The following FOXP1 variants were observed in gnomAD, a reference collection of about 807,000 sequenced individuals.
FOXP1 encodes the protein forkhead box P1.
FOXP1 carries 15 observed loss-of-function variants against 98.2 expected under a neutral mutation model. That is an observed-to-expected ratio of 0.15 (90% CI 0.10 to 0.24). The LOEUF (loss-of-function observed/expected upper bound fraction) is 0.24, where lower values mean the gene tolerates loss of function less well. Ranked by LOEUF, FOXP1 falls within the 10% of genes least tolerant of loss-of-function variation. FOXP1 has a pLI of 1.00. For missense variants in FOXP1, 633 were observed against 848.5 expected, an observed-to-expected ratio of 0.75 and a Z score of 3.15; for synonymous variants, 371 against 314.5, an observed-to-expected ratio of 1.18 and a Z score of -1.90.
intron 7 of FOXP1, among the ~76,000 whole-genome samples, chr3:71,081,784 T>C (rs1237622154): frequency 2.6e-5 from 4 of 151,808 alleles, no homozygotes; most frequent in African/African-American, 9.8e-5. Context: ...ATTTCACTTG[T>C]CTACTATGTA....
intron 2 of FOXP1, among the ~76,000 whole-genome samples, chr3:71,564,561 A>T (rs2046770911): frequency 6.6e-6 from 1 of 152,238 alleles, no homozygotes; most frequent in Non-Finnish European, 1.5e-5. Context: ...GCCGACCTTG[A>T]GTCGCTGCCC....
At chr3:71,220,566 A>G (rs1485047161) in intron 5 of FOXP1, among the ~76,000 whole-genome samples, 1 of 151,714 alleles carries the variant, frequency 6.6e-6, no homozygotes, top group African/African-American at 2.4e-5. Context: ...TGGGCAACAT[A>G]GCAAAACTCT....
intron 10 of FOXP1, among the ~76,000 whole-genome samples, chr3:71,045,912 A>C (rs750838685): frequency 2.6e-5 from 4 of 152,226 alleles, no homozygotes; most frequent in Non-Finnish European, 5.9e-5. Context: ...GGCTTTAGCT[A>C]TCAGCCTTTA....
intron 4 of FOXP1, among the ~76,000 whole-genome samples, chr3:71,314,249 G>A (rs910467860): frequency 3.9e-5 from 6 of 152,150 alleles, no homozygotes; most frequent in Non-Finnish European, 7.3e-5. Context: ...ATAGCTGGCT[G>A]GCCAGGCATG....
chr3:71,199,110 CTT>C (rs11441489), intron 5 of FOXP1, among the ~76,000 whole-genome samples: 3 of 140,250 alleles, frequency 2.1e-5, no homozygotes, highest in Non-Finnish European at 3.1e-5. Flanking sequence ...TGGTATTACA[CTT>C]TTTTTTTTTT....
chr3:71,476,299 CT>C (rs764472343), intron 3 of FOXP1, among the ~76,000 whole-genome samples: 362 of 144,672 alleles, frequency 2.5e-3, no homozygotes, highest in African/African-American at 3.9e-3. Flanking sequence ...TCATCAAGTT[CT>C]TTTTTTTTTT....
At chr3:71,260,074 C>T (rs945934646) in intron 5 of FOXP1, among the ~76,000 whole-genome samples, 5 of 152,190 alleles carry the variant, frequency 3.3e-5, no homozygotes, top group Non-Finnish European at 7.3e-5. Context: ...AGCTCCGCCT[C>T]CCGGGTTCAC....
rs142829293 is a variant in FOXP1, at chr3:70,962,326, A to C, written c.1890-2935T>G. On this transcript the variant is annotated intron_variant, in intron 20 of 20. Coordinates refer to ENST00000649528, the MANE Select transcript of FOXP1 (RefSeq NM_001349338.3). ...TTTTATCCATTAATCTTTCTACTCT[A>C]TTTCTGTTGATTTACCTCCTTAGGA... 3.4e-3 allele frequency among the ~76,000 whole-genome samples: 518 copies of C among 152,166 alleles called. 1 individual carries two copies. The highest frequency in any genetic ancestry group is 0.012 in the African/African-American group (488 of 41,508).
At chr3:71,547,943 C>T (rs1184191782) in intron 2 of FOXP1, among the ~76,000 whole-genome samples, 1 of 152,188 alleles carries the variant, frequency 6.6e-6, no homozygotes, top group East Asian at 1.9e-4. Flanking sequence ...TCCTCTTAAA[C>T]CAAACTGACT....
rs557318477 is a variant in FOXP1, at chr3:71,046,979, G to T, written c.627C>A (p.Pro209=). The T allele has an allele frequency of 6.2e-7, 1 of 1,613,958 alleles. No individual in the cohort carries two copies. The highest frequency in any genetic ancestry group is 1.1e-5 in the South Asian group (1 of 91,086). Residue 209 remains proline, a synonymous_variant, in exon 10 of 21, where the codon CCC becomes CCA. Coordinates refer to ENST00000649528, the MANE Select transcript of FOXP1 (RefSeq NM_001349338.3). ...GTTGAAGGGGAAGGGCAGGCTGCCC[G>T]GGCTGAATTGTCAGAAGGCCTTGGC... ...LQRQGLLTIQ[P]GQPALPLQPL...
At chr3:71,288,537 CA>C (rs1241358915) in intron 5 of FOXP1, 1 of 152,188 alleles carries the variant, frequency 6.6e-6, no homozygotes, top group Non-Finnish European at 1.5e-5. Flanking sequence ...CTATGTTAAC[CA>C]CACCAATCTG....
chr3:71,376,124 T>C (rs1018214153), intron 3 of FOXP1, among the ~76,000 whole-genome samples: 6 of 152,178 alleles, frequency 3.9e-5, no homozygotes, highest in African/African-American at 1.4e-4. Context: ...ATTTCAAAGA[T>C]TACATCAAAT....
chr3:71,548,880 A>G (rs1005314610), intron 2 of FOXP1, among the ~76,000 whole-genome samples: 2 of 152,184 alleles, frequency 1.3e-5, no homozygotes, highest in Non-Finnish European at 2.9e-5. Context: ...TTTTGTTTAT[A>G]CTGTATTGAC....
intron 7 of FOXP1, chr3:71,064,929 G>C: frequency 3.0e-6 from 1 of 338,446 alleles, no homozygotes; most frequent in Non-Finnish European, 4.1e-6. Flanking sequence ...GACTGCACGC[G>C]CGCAGGGGCG....
intron 1 of FOXP1, among the ~76,000 whole-genome samples, chr3:71,583,282 T>C (rs1366372273): frequency 6.6e-6 from 1 of 151,758 alleles, no homozygotes; most frequent in Non-Finnish European, 1.5e-5. Flanking sequence ...ACCCAAAGGG[T>C]GCGGGCGCCG....
chr3:71,232,375 A>C (rs1482042453), intron 5 of FOXP1, among the ~76,000 whole-genome samples: 2 of 152,196 alleles, frequency 1.3e-5, no homozygotes, highest in African/African-American at 4.8e-5. Flanking sequence ...AATGTCTGCT[A>C]TGAGAACTGA....
At chr3:71,380,871 C>T (rs758358703) in intron 3 of FOXP1, among the ~76,000 whole-genome samples, 27 of 151,886 alleles carry the variant, frequency 1.8e-4, no homozygotes, top group Non-Finnish European at 2.4e-4. Flanking sequence ...GAGTCATAGA[C>T]GCTATCGTAG....
chr3:71,237,723 A>G (rs953598283), intron 5 of FOXP1, among the ~76,000 whole-genome samples: 2 of 152,242 alleles, frequency 1.3e-5, no homozygotes, highest in African/African-American at 4.8e-5. Flanking sequence ...CAATGAATCC[A>G]TACGTGTACA....
At chr3:71,116,732 GTTTTC>G (rs796930866) in intron 6 of FOXP1, among the ~76,000 whole-genome samples, 32 of 152,274 alleles carry the variant, frequency 2.1e-4, no homozygotes, top group African/African-American at 7.7e-4. Context: ...ACTAAAAGGT[GTTTTC>G]TTTTCTAATT....
Sources: allele counts gnomAD v4.1 joint callset (sites outside exome capture counted in the v4.1 genomes callset), GRCh38; gene constraint gnomAD v4.1.1; transcripts MANE v1.5; gene names NCBI Gene and HGNC (gene_info 2026-07-23, HGNC 2026-07-21).